Variants in ASH1L observed in about 807,000 individuals in gnomAD.
The protein encoded by ASH1L is histone-lysine N-methyltransferase ASH1L.
Under a neutral mutation model 269.0 loss-of-function variants are expected in ASH1L, and 23 were observed. The observed-to-expected ratio is 0.09, with a 90% CI of 0.06 to 0.12. ASH1L has a LOEUF of 0.12. ASH1L is among the 10% of genes least tolerant of loss of function. The pLI, the probability that ASH1L is intolerant of heterozygous loss-of-function variation, is 1.00. For missense variants in ASH1L, 2,912 were observed against 3,567.8 expected, an observed-to-expected ratio of 0.82 and a Z score of 4.68; for synonymous variants, 1,187 against 1,253.5, an observed-to-expected ratio of 0.95 and a Z score of 1.12.
chr1:155,378,313 G>A lies in ASH1L; in HGVS notation c.6300C>T (p.Thr2100=), dbSNP rs1467891238. The A allele has an allele frequency of 1.2e-6, 2 of 1,614,088 alleles. No individual in the cohort carries two copies. Among genetic ancestry groups the A allele is most frequent in the South Asian group, 1.1e-5 (1 of 91,074 alleles). ...GGCAGTCATCAACACAGCCCTTCCT[G>A]GTGTCATCATCTGGCTTCTTACAGT... The part of the protein sequence containing the change: ...TCNCKKPDDD[T]RKGCVDDCLN... The change falls in exon 10 of 28, where the codon ACC becomes ACT. Residue 2100 remains threonine, a synonymous_variant. Transcript: ENST00000392403.
chr1:155,554,686 T>A (rs72995195), intron 1 of ASH1L, among the ~76,000 whole-genome samples: 243 of 152,146 alleles, frequency 1.6e-3, no homozygotes, highest in African/African-American at 5.7e-3. Flanking sequence ...TAGGATTACA[T>A]CTGAGATTTA....
In ASH1L at chr1:155,357,369, G is replaced by C. The variant is rs541113368; in HGVS notation, c.7002C>G (p.Thr2334=). The C allele has an allele frequency of 1.1e-4, 172 of 1,613,698 alleles. No individual in the cohort carries two copies. The South Asian group carries it at 1.9e-3, about 18-fold the overall frequency. Residue 2334 remains threonine (T), a synonymous_variant, in exon 15 of 28, where the codon ACC becomes ACG. Transcript: ENST00000392403. The part of the protein sequence containing the change: ...LSEEPSENIN[T]PTRLTPQLQM... Reference sequence around the variant, plus strand: ...GTAATTGGGGGGTCAATCTAGTTGGGGTGTTGATATTTTCACTGGGTTCCT... The same window carrying C: ...GTAATTGGGGGGTCAATCTAGTTGGCGTGTTGATATTTTCACTGGGTTCCT...
chr1:155,481,196 T>G lies in ASH1L; in HGVS notation c.1674A>C (p.Pro558=), dbSNP rs945897350. ...AAGGATTAACAGATACAGTAGGTGA[T>G]GGGGAAGGGAGATTGCTTTCTCCTA... ...SAVGESNLPS[P]SPTVSVNPLT... is the part of the protein sequence containing the mutation. The change falls in exon 3 of 28, where the codon CCA becomes CCC. Residue 558 remains proline (P), a synonymous_variant. Coordinates refer to ENST00000392403, the MANE Select transcript of ASH1L (RefSeq NM_018489.3). 4.3e-6 allele frequency: 7 copies of G among 1,613,820 alleles called. No individual in the cohort carries two copies. The African/African-American group carries it at 9.3e-5, about 22-fold the overall frequency.
At chr1:155,400,108 G>A (rs1195896330) in intron 6 of ASH1L, among the ~76,000 whole-genome samples, 1 of 152,160 alleles carries the variant, frequency 6.6e-6, no homozygotes, top group Non-Finnish European at 1.5e-5. Context: ...AACAGTTTGG[G>A]AGGCTGAGGC....
intron 2 of ASH1L, among the ~76,000 whole-genome samples, chr1:155,511,687 GTA>G (rs1668171108): frequency 6.6e-6 from 1 of 152,148 alleles, no homozygotes; most frequent in Non-Finnish European, 1.5e-5. Context: ...TGTATTTTTA[GTA>G]GAGACAGAGT....
At position 155,412,402 on chromosome 1, in the gene ASH1L, C is replaced by T. The variant is rs1198740182; in HGVS notation, c.6008+3342G>A. Among the ~76,000 whole-genome samples the T allele has an allele frequency of 5.3e-5, 8 of 151,820 alleles. No homozygotes were observed. The East Asian group carries it at 1.2e-3, about 22-fold the overall frequency. On this transcript the variant is annotated intron_variant, in intron 6 of 27. Coordinates refer to ENST00000392403, the MANE Select transcript of ASH1L (RefSeq NM_018489.3). ...CCAGCCTGGTTGACAAGAGCGAAAC[C>T]CCATCTCAAAAAAACAAACAAAACC...
intron 5 of ASH1L, among the ~76,000 whole-genome samples, chr1:155,428,649 G>A (rs1377681446): frequency 3.3e-5 from 5 of 152,106 alleles, no homozygotes; most frequent in South Asian, 2.1e-4. Flanking sequence ...GCTTAAAGGC[G>A]TTCTTAAACC....
chr1:155,545,188 A>AG (rs1670717117), intron 1 of ASH1L, among the ~76,000 whole-genome samples: 1 of 147,244 alleles, frequency 6.8e-6, no homozygotes, highest in East Asian at 1.9e-4. Flanking sequence ...AAAAAAAAAA[A>AG]AAAAAAAAAA....
At chr1:155,354,842 T>C (rs949962287) in intron 15 of ASH1L, among the ~76,000 whole-genome samples, 1 of 152,140 alleles carries the variant, frequency 6.6e-6, no homozygotes, top group Non-Finnish European at 1.5e-5. Flanking sequence ...CAAACAACAA[T>C]TAAAGGCTGC....
intron 2 of ASH1L, among the ~76,000 whole-genome samples, chr1:155,517,026 T>A (rs1416584669): frequency 6.6e-6 from 1 of 152,170 alleles, no homozygotes; most frequent in East Asian, 1.9e-4. Flanking sequence ...CAACACTACC[T>A]AAAGTGATCT....
intron 7 of ASH1L, 36 bp downstream of exon 7, chr1:155,395,423 C>A: frequency 6.9e-7 from 1 of 1,456,906 alleles, no homozygotes. Context: ...AATACTGTTT[C>A]TTCTCAGCAA....
chr1:155,454,533 C>T (rs573598282), intron 4 of ASH1L, among the ~76,000 whole-genome samples: 11 of 152,162 alleles, frequency 7.2e-5, no homozygotes, highest in South Asian at 2.1e-4. Context: ...TTTCGGAGGC[C>T]GAGGTGGGCT....
chr1:155,546,839 C>T (rs1670859824), intron 1 of ASH1L, among the ~76,000 whole-genome samples: 1 of 150,688 alleles, frequency 6.6e-6, no homozygotes, highest in African/African-American at 2.4e-5. Context: ...ACTTATATAA[C>T]AAAGAATATT....
At chr1:155,488,900 AT>A (rs895350589) in intron 2 of ASH1L, among the ~76,000 whole-genome samples, 94 of 152,238 alleles carry the variant, frequency 6.2e-4, no homozygotes, top group African/African-American at 2.2e-3. Flanking sequence ...AAATACTCTC[AT>A]TTAAAAAAAA....
At chr1:155,489,193 G>T (rs1666569968) in intron 2 of ASH1L, among the ~76,000 whole-genome samples, 2 of 151,978 alleles carry the variant, frequency 1.3e-5, no homozygotes, top group African/African-American at 4.8e-5. Flanking sequence ...TAAATAATAT[G>T]TGGGCGCGGT....
intron 10 of ASH1L, 93 bp from the exon 11 acceptor site, chr1:155,371,076 C>A: frequency 9.7e-7 from 1 of 1,027,356 alleles, no homozygotes; most frequent in Non-Finnish European, 1.4e-6. Context: ...AAAATGAATA[C>A]ATGAAATCAA....
intron 5 of ASH1L, among the ~76,000 whole-genome samples, chr1:155,427,860 T>C (rs1254144142): frequency 6.6e-6 from 1 of 152,176 alleles, no homozygotes; most frequent in East Asian, 1.9e-4. Flanking sequence ...TTAAGCAGTT[T>C]AGCACCATCC....
intron 6 of ASH1L, among the ~76,000 whole-genome samples, chr1:155,412,241 C>CAA (rs556050785): frequency 9.5e-5 from 11 of 115,700 alleles, no homozygotes; most frequent in East Asian, 2.6e-4. Flanking sequence ...GACTCCGTCT[C>CAA]AAAAAAAAAA....
In ASH1L at chr1:155,423,100, C is replaced by T. The variant is rs145682093; in HGVS notation, c.5829-7177G>A. ...AGTAGCTGGGATTACAGGTACCTAC[C>T]ACCATGCCCAGCTAATTTTTGCATT... On this transcript the variant is annotated intron_variant, in intron 5 of 27. Coordinates refer to ENST00000392403, the MANE Select transcript of ASH1L (RefSeq NM_018489.3). Among the ~76,000 whole-genome samples, 936 of 151,922 alleles carry T rather than the reference C, an allele frequency of 6.2e-3. 10 individuals are homozygous for T. The highest frequency in any genetic ancestry group is 0.022 in the African/African-American group (909 of 41,478).
Sources: allele counts gnomAD v4.1 joint callset (sites outside exome capture counted in the v4.1 genomes callset), GRCh38; gene constraint gnomAD v4.1.1; transcripts MANE v1.5; gene names NCBI Gene and HGNC (gene_info 2026-07-23, HGNC 2026-07-21).